The following ASIC4 variants were observed in gnomAD, a reference collection of about 807,000 sequenced individuals.
ASIC4 encodes acid-sensing ion channel 4.
In ASIC4, 28 loss-of-function variants were observed where a neutral mutation model predicts 53.4. The ratio of observed to expected loss-of-function variants is 0.52; its 90% CI spans 0.39 to 0.72. ASIC4 has a LOEUF of 0.72. ASIC4 is among the 30% of genes least tolerant of loss of function. ASIC4 has a pLI of 0.00. For synonymous variants in ASIC4, 289 were observed against 301.4 expected (o/e 0.96, Z 0.43); for missense variants, 649 against 729.7 (o/e 0.89, Z 1.27).
chr2:219,518,187 G>C lies in ASIC4; in HGVS notation c.582+2881G>C, dbSNP rs533598785. On this transcript the variant is annotated intron_variant, in intron 1 of 9. Transcript: ENST00000358078. The surrounding 1 kb of genome is among the most constrained non-coding windows in gnomAD (Gnocchi z 4.8). Reference sequence around the variant, plus strand: ...GCAAAGATGGGAAGCCCTGTCCCCAGTCCCTGTCCTCAAGCAGCCTATAGT... The same window carrying C: ...GCAAAGATGGGAAGCCCTGTCCCCACTCCCTGTCCTCAAGCAGCCTATAGT... Among the ~76,000 whole-genome samples the C allele has an allele frequency of 5.9e-5, 9 of 152,294 alleles. No individual in the cohort carries two copies. The highest frequency in any genetic ancestry group is 3.9e-4 in the Admixed American group (6 of 15,300).
At chr2:219,507,776 G>A in the ASIC4 span, among the ~76,000 whole-genome samples, 1 of 152,156 alleles carries the variant, frequency 6.6e-6, no homozygotes, top group Non-Finnish European at 1.5e-5. Flanking sequence ...CGAAGAGAAT[G>A]GGGGGTGCAG....
chr2:219,516,127 C>G lies in ASIC4; in HGVS notation c.582+821C>G, dbSNP rs1323640172. ...GGACACAGTTTCCTGCACACTCCCTCTCTCACTCACTGTCCCTGTCACTAC... is the reference window on the plus strand; with the variant it reads ...GGACACAGTTTCCTGCACACTCCCTGTCTCACTCACTGTCCCTGTCACTAC... On this transcript the variant is annotated intron_variant, in intron 1 of 9. Transcript: ENST00000358078. This position sits in a 1 kb window ranked among gnomAD's most constrained non-coding sequence, Gnocchi z 4.9. Among the ~76,000 whole-genome samples the G allele has an allele frequency of 6.6e-6, 1 of 152,050 alleles. No homozygotes were observed. Among genetic ancestry groups the G allele is most frequent in the Non-Finnish European group, 1.5e-5 (1 of 67,980 alleles).
At chr2:219,522,305 C>G (rs1694897972) in intron 1 of ASIC4, among the ~76,000 whole-genome samples, 1 of 144,232 alleles carries the variant, frequency 6.9e-6, no homozygotes, top group South Asian at 2.2e-4. Flanking sequence ...GGTGACTAAG[C>G]GTGGACAGGA....
At chr2:219,522,716 C>T (rs2125660219) in intron 1 of ASIC4, among the ~76,000 whole-genome samples, 1 of 152,198 alleles carries the variant, frequency 6.6e-6, no homozygotes, top group East Asian at 1.9e-4. Context: ...CCTCGGGACC[C>T]CCGCCCCCGT....
intron 1 of ASIC4, among the ~76,000 whole-genome samples, chr2:219,526,930 C>G (rs1397428): frequency 0.98 from 149,658 of 152,282 alleles, 73,589 homozygotes; most frequent in East Asian, 1. Context: ...GATGGGGACA[C>G]GGCCCAGAGG....
upstream of ASIC4, chr2:219,514,433 G>A: frequency 1.3e-6 from 2 of 1,549,558 alleles, no homozygotes; most frequent in Non-Finnish European, 8.7e-7. Flanking sequence ...CACACGCAGG[G>A]GCTGACAGCT....
chr2:219,522,354 C>T (rs1694898562), intron 1 of ASIC4, among the ~76,000 whole-genome samples: 1 of 20,640 alleles, frequency 4.8e-5, no homozygotes, highest in African/African-American at 1.9e-4. Flanking sequence ...AAATACCAAA[C>T]GGGGGGAGGG....
rs545009738 is a variant in ASIC4, at chr2:219,537,666, G to A, written c.1436G>A (p.Arg479His). 2.5e-5 allele frequency: 41 copies of A among 1,613,822 alleles called. No homozygotes were observed. Among genetic ancestry groups the A allele is most frequent in the Middle Eastern group, 3.3e-4 (2 of 6,082 alleles). Reference protein sequence around the residue: ...SWDRLKRVWRRPKTPLRTSTG... With the variant: ...SWDRLKRVWRHPKTPLRTSTG... ...GATCGACTGAAGCGGGTATGGAGGC[G>A]TCCCAAGACCCCCCTGCGGACCTCC... Residue 479 changes from arginine to histidine, a missense_variant, in exon 9 of 10, where the codon CGT (arginine) becomes CAT (histidine). Physicochemically the swap from Arg to His is conservative, Grantham distance 29 (BLOSUM62 0). Transcript: ENST00000358078. The surrounding 1 kb of genome is among the most constrained non-coding windows in gnomAD (Gnocchi z 4.9).
chr2:219,538,170 G>T lies in ASIC4; in HGVS notation c.*124G>T. On this transcript the variant is annotated 3_prime_UTR_variant, in exon 10 of 10. Transcript: ENST00000358078. Reference sequence around the variant, plus strand: ...CTGGGAGGGCCAGGACTCAGTTCCTGCTCTCATCCTCCCCTGCCCTGATGT... The same window carrying T: ...CTGGGAGGGCCAGGACTCAGTTCCTTCTCTCATCCTCCCCTGCCCTGATGT... The T allele has an allele frequency of 2.5e-6, 2 of 798,084 alleles. No homozygotes were observed. The highest frequency in any genetic ancestry group is 2.1e-5 in the Admixed American group (1 of 47,194). The allele number at this position is 798,084 out of a possible 1,614,324, so 49.4% of individuals were successfully genotyped here.
At chr2:219,521,719 CTCTGAGTTATAAGTTATAAGTATTCCT>C (rs3835981) in intron 1 of ASIC4, among the ~76,000 whole-genome samples, 71,665 of 150,592 alleles carry the variant, frequency 0.48, 17,435 homozygotes, top group African/African-American at 0.61. Context: ...CTCAGGCTGC[CTCTGAGTTATAAGTTATAAGTATTCCT>C]GAGTTATAAG....
At chr2:219,532,665 C>A in intron 4 of ASIC4, 188 bp downstream of exon 4, 1 of 869,512 alleles carries the variant, frequency 1.2e-6, no homozygotes, top group Non-Finnish European at 1.7e-6. Context: ...GGAATGCCGG[C>A]ATGCAGATGC....
rs547428677 is a variant in ASIC4, at chr2:219,531,830, G to T, written c.655G>T (p.Gly219Cys). The T allele has an allele frequency of 1.9e-6, 3 of 1,613,822 alleles. No homozygotes were observed. Among genetic ancestry groups the T allele is most frequent in the East Asian group, 2.2e-5 (1 of 44,880 alleles). ...GAGCTCGCTGCCCAGCCGGGCAGGG[G>T]GCATGGGCAGTGGCCTGGAGATCAT... is the stretch of plus-strand genomic sequence containing the variant. Reference protein sequence around the residue: ...PRSSLPSRAGGMGSGLEIMLD... With the variant: ...PRSSLPSRAGCMGSGLEIMLD... The change falls in exon 2 of 10, where the codon GGC becomes TGC. Residue 219 changes from glycine (G) to cysteine (C), a missense_variant. Coordinates refer to ENST00000358078, the MANE Select transcript of ASIC4 (RefSeq NM_018674.6).
chr2:219,515,419 A>C, intron 1 of ASIC4, 113 bp downstream of exon 1: 1 of 1,337,958 alleles, frequency 7.5e-7, no homozygotes, highest in Admixed American at 2.5e-5. Flanking sequence ...CCTTCATTCC[A>C]CCACCAGAGG....
chr2:219,526,190 G>A lies in ASIC4; in HGVS notation c.583-5568G>A, dbSNP rs74905859. 4.3e-3 allele frequency among the ~76,000 whole-genome samples: 656 copies of A among 152,306 alleles called. 3 individuals are homozygous for A. Among genetic ancestry groups the A allele is most frequent in the Admixed American group, 9.6e-3 (147 of 15,310 alleles). On this transcript the variant is annotated intron_variant, in intron 1 of 9. Coordinates refer to ENST00000358078, the MANE Select transcript of ASIC4 (RefSeq NM_018674.6). ...GGAAGCTGTGAATAGATAGAGTTCCGAGGGCTGAGAGAAGCCACTGCTCTC... is the reference window on the plus strand; with the variant it reads ...GGAAGCTGTGAATAGATAGAGTTCCAAGGGCTGAGAGAAGCCACTGCTCTC...
intron 1 of ASIC4, among the ~76,000 whole-genome samples, chr2:219,530,980 G>A (rs1280183710): frequency 6.6e-6 from 1 of 152,170 alleles, no homozygotes; most frequent in Non-Finnish European, 1.5e-5. Context: ...AGGTGGGAGA[G>A]CAGTTAGGAG....
chr2:219,511,333 A>G (rs1343790490), upstream of ASIC4, among the ~76,000 whole-genome samples: 1 of 151,734 alleles, frequency 6.6e-6, no homozygotes, highest in African/African-American at 2.4e-5. This position sits in a 1 kb window ranked among gnomAD's most constrained non-coding sequence, Gnocchi z 5.3. Context: ...GCCTCCTCCC[A>G]GGAACCTTGA....
At chr2:219,522,912 C>T (rs1460032941) in intron 1 of ASIC4, among the ~76,000 whole-genome samples, 1 of 151,950 alleles carries the variant, frequency 6.6e-6, no homozygotes, top group African/African-American at 2.4e-5. Context: ...GCTCGGGAGC[C>T]GTGATGGATG....
chr2:219,509,626 A>G (rs1694674185), upstream of ASIC4, among the ~76,000 whole-genome samples: 1 of 151,832 alleles, frequency 6.6e-6, no homozygotes, highest in African/African-American at 2.4e-5. The surrounding 1 kb of genome is among the most constrained non-coding windows in gnomAD (Gnocchi z 5.2). Context: ...GGGACCTCAC[A>G]CACCCCAAGT....
At chr2:219,512,573 A>G (rs1366042089), upstream of ASIC4, among the ~76,000 whole-genome samples, 1 of 152,194 alleles carries the variant, frequency 6.6e-6, no homozygotes. Flanking sequence ...GAAGTCTACC[A>G]GGGAGGGGAG....
Sources: allele counts gnomAD v4.1 joint callset (sites outside exome capture counted in the v4.1 genomes callset), GRCh38; gene constraint gnomAD v4.1.1; non-coding constraint Gnocchi (gnomAD v3.1); transcripts MANE v1.5; gene names NCBI Gene and HGNC (gene_info 2026-07-23, HGNC 2026-07-21).